ELAVL1: variants seen among roughly 807,000 people sequenced by gnomAD.
The protein encoded by ELAVL1 is ELAV like RNA binding protein 1, also known as ELAV-like protein 1.
ELAVL1 carries 1 observed loss-of-function variant against 28.4 expected under a neutral mutation model. The observed-to-expected ratio is 0.04, with a 90% CI of 0.01 to 0.17. The LOEUF (loss-of-function observed/expected upper bound fraction) is 0.17. ELAVL1 is among the 10% of genes least tolerant of loss of function. The probability of loss-of-function intolerance (pLI) is 1.00; values close to 1 mark genes in which losing one functional copy is unlikely to be tolerated. For synonymous variants in ELAVL1, 174 were observed against 183.5 expected, an observed-to-expected ratio of 0.95 and a Z score of 0.42; for missense variants, 157 against 447.2, an observed-to-expected ratio of 0.35 and a Z score of 5.85.
chr19:8,004,082 G>A (rs562472222), intron 1 of ELAVL1, among the ~76,000 whole-genome samples: 20 of 152,250 alleles, frequency 1.3e-4, no homozygotes, highest in African/African-American at 4.6e-4. Flanking sequence ...CTCTAAAATG[G>A]AAATTAATGG....
intron 2 of ELAVL1, among the ~76,000 whole-genome samples, chr19:7,988,252 T>G (rs1005023971): frequency 2.6e-5 from 4 of 151,922 alleles, no homozygotes; most frequent in Non-Finnish European, 5.9e-5. Context: ...TCAGGTCAGT[T>G]AGGAATATAC....
At chr19:7,987,640 A>G (rs1250130663) in intron 2 of ELAVL1, among the ~76,000 whole-genome samples, 1 of 152,152 alleles carries the variant, frequency 6.6e-6, no homozygotes, top group Non-Finnish European at 1.5e-5. Context: ...GCACTCAACC[A>G]GTATTTGCTG....
intron 2 of ELAVL1, among the ~76,000 whole-genome samples, chr19:7,983,288 G>C (rs1985513926): frequency 6.6e-6 from 1 of 152,186 alleles, no homozygotes; most frequent in African/African-American, 2.4e-5. Context: ...GAGCGAATTG[G>C]GATCGCAGCT....
chr19:7,976,892 T>C (rs573221563), intron 3 of ELAVL1, among the ~76,000 whole-genome samples: 33 of 151,896 alleles, frequency 2.2e-4, no homozygotes, highest in Non-Finnish European at 4.0e-4. Flanking sequence ...CTTGCTATGT[T>C]GCTCAGGTTA....
intron 3 of ELAVL1, among the ~76,000 whole-genome samples, chr19:7,976,650 T>G (rs9917036): frequency 0.028 from 4,230 of 152,076 alleles, 198 homozygotes; most frequent in African/African-American, 0.095. Flanking sequence ...GTCTCGGGCT[T>G]CCAGCCTCCA....
In ELAVL1 at chr19:7,967,651, G is replaced by A; in HGVS notation, c.570C>T (p.Asn190=). Reference sequence around the variant, plus strand: ...GCTGCGAGAGGAGTGCCACGTTTTTGTTCTGGTTGGGGTTGGCTGCAAACT... The same window carrying A: ...GCTGCGAGAGGAGTGCCACGTTTTTATTCTGGTTGGGGTTGGCTGCAAACT... ...TVKFAANPNQ[N]KNVALLSQLY... The change falls in exon 5 of 6, where the codon AAC becomes AAT. Residue 190 remains asparagine (N), a synonymous_variant. Coordinates refer to ENST00000407627, the MANE Select transcript of ELAVL1 (RefSeq NM_001419.3). The A allele has an allele frequency of 6.8e-6, 11 of 1,614,218 alleles. No homozygotes were observed. Among genetic ancestry groups the A allele is most frequent in the Non-Finnish European group, 9.3e-6 (11 of 1,180,044 alleles).
At chr19:7,985,795 C>G (rs1192426478) in intron 2 of ELAVL1, among the ~76,000 whole-genome samples, 1 of 152,170 alleles carries the variant, frequency 6.6e-6, no homozygotes, top group Non-Finnish European at 1.5e-5. Flanking sequence ...CAGGGCTGTC[C>G]CAGAGGCCAG....
chr19:7,963,153 CGT>C lies in ELAVL1; in HGVS notation c.*328_*329del, dbSNP rs1420271305. Reference sequence around the variant, plus strand: ...GTCTGTGGAGACATTGAATGAAACGCGTGTTAGACAGTCTTAGAGGTTAAAGC... The same window carrying C: ...GTCTGTGGAGACATTGAATGAAACGCGTTAGACAGTCTTAGAGGTTAAAGC... On this transcript the variant is annotated 3_prime_UTR_variant, in exon 6 of 6. Transcript: ENST00000407627. This position sits in a 1 kb window ranked among gnomAD's most constrained non-coding sequence, Gnocchi z 4.5. 8.6e-6 allele frequency: 2 copies of C among 232,938 alleles called. No homozygotes were observed. Among genetic ancestry groups the C allele is most frequent in the African/African-American group, 4.6e-5 (2 of 43,914 alleles). The allele number at this position is 232,938 out of a possible 1,614,324, so 14.4% of individuals were successfully genotyped here.
rs537267272 is a variant in ELAVL1 at position 7,970,957 on chromosome 19, T to C, written c.430+2768A>G. ...ACACTCTGTCTCCAGCAGAGGGAGC[T>C]ACAGCCCTGGGATGGGAGCCTCACC... On this transcript the variant is annotated intron_variant, in intron 4 of 5. Transcript: ENST00000407627. Among the ~76,000 whole-genome samples the C allele has an allele frequency of 6.8e-4, 104 of 152,306 alleles. 1 individual carries two copies. In the South Asian group the frequency reaches 0.021, roughly 31 times the overall value.
At chr19:8,004,824 G>A (rs1249294830) in intron 1 of ELAVL1, among the ~76,000 whole-genome samples, 1 of 152,108 alleles carries the variant, frequency 6.6e-6, no homozygotes, top group African/African-American at 2.4e-5. Context: ...CCAGAGCACC[G>A]GAAAAGGAAG....
intron 2 of ELAVL1, among the ~76,000 whole-genome samples, chr19:7,984,897 C>T (rs891342533): frequency 6.6e-6 from 1 of 152,198 alleles, no homozygotes; most frequent in African/African-American, 2.4e-5. Context: ...GGCGACACCC[C>T]CAACCAATGA....
At chr19:7,993,843 T>A (rs1399174288) in intron 1 of ELAVL1, among the ~76,000 whole-genome samples, 2 of 151,996 alleles carry the variant, frequency 1.3e-5, no homozygotes, top group African/African-American at 2.4e-5. Context: ...AGCAGTTACA[T>A]AAAAATCTGA....
chr19:7,999,190 T>C lies in ELAVL1; in HGVS notation c.-17+6305A>G, dbSNP rs537275264. On this transcript the variant is annotated intron_variant, in intron 1 of 5. Coordinates refer to ENST00000407627, the MANE Select transcript of ELAVL1 (RefSeq NM_001419.3). ...GAGTTTGAGACCAGCATGGCCAACATAGTGAAACCCTGTCTATACTGAAAA... is the reference window on the plus strand; with the variant it reads ...GAGTTTGAGACCAGCATGGCCAACACAGTGAAACCCTGTCTATACTGAAAA... Among the ~76,000 whole-genome samples the C allele has an allele frequency of 2.3e-4, 35 of 152,276 alleles. 1 individual carries two copies. The South Asian group carries it at 6.6e-3, about 29-fold the overall frequency.
chr19:8,003,119 G>A (rs911487975), intron 1 of ELAVL1, among the ~76,000 whole-genome samples: 1 of 151,966 alleles, frequency 6.6e-6, no homozygotes, highest in Non-Finnish European at 1.5e-5. Flanking sequence ...TGGGCGCGGT[G>A]GCTCACACCT....
chr19:7,982,491 G>A lies in ELAVL1; in HGVS notation c.173-1305C>T, dbSNP rs760760897. Among the ~76,000 whole-genome samples the A allele has an allele frequency of 1.3e-5, 2 of 152,214 alleles. No homozygotes were observed. The highest frequency in any genetic ancestry group is 1.9e-4 in the East Asian group (1 of 5,200). ...ACAGCAAGATTACAAATCCAGCAGAGAGCCTAACCCAGGTTTGCCACTTTC... is the reference window on the plus strand; with the variant it reads ...ACAGCAAGATTACAAATCCAGCAGAAAGCCTAACCCAGGTTTGCCACTTTC... On this transcript the variant is annotated intron_variant, in intron 2 of 5. Transcript: ENST00000407627. The surrounding 1 kb of genome is among the most constrained non-coding windows in gnomAD (Gnocchi z 4.3).
At chr19:7,983,800 C>T (rs2145215566) in intron 2 of ELAVL1, among the ~76,000 whole-genome samples, 1 of 152,266 alleles carries the variant, frequency 6.6e-6, no homozygotes, top group Non-Finnish European at 1.5e-5. Flanking sequence ...TGGACCAAGT[C>T]CCTGCTTCCT....
Position 7,981,318 on chromosome 19 carries a change from G to T in ELAVL1, c.173-132C>A. The T allele has an allele frequency of 2.7e-6, 2 of 739,776 alleles. No homozygotes were observed. The highest frequency in any genetic ancestry group is 2.3e-6 in the Non-Finnish European group (1 of 436,816). The allele number at this position is 739,776 out of a possible 1,614,324, so 45.8% of individuals were successfully genotyped here. A position where few individuals can be genotyped will look rare whatever the true frequency, so the allele number is the denominator to read the frequency against. On this transcript the variant is annotated intron_variant, in intron 2 of 5. Coordinates refer to ENST00000407627, the MANE Select transcript of ELAVL1 (RefSeq NM_001419.3). This position sits in a 1 kb window ranked among gnomAD's most constrained non-coding sequence, Gnocchi z 4.2. ...GGTGCTAGCAAACTTTATTTTCTTT[G>T]GCAAACACGTACATTTTCTGCAATG...
At chr19:7,998,598 C>G (rs1936610972) in intron 1 of ELAVL1, among the ~76,000 whole-genome samples, 1 of 152,206 alleles carries the variant, frequency 6.6e-6, no homozygotes, top group Non-Finnish European at 1.5e-5. Flanking sequence ...GCTGTTCCCT[C>G]TGCAGGGCAC....
intron 4 of ELAVL1, 62 bp downstream of exon 4, chr19:7,973,663 C>A (rs759308843): frequency 6.4e-7 from 1 of 1,561,682 alleles, no homozygotes. Context: ...TCTGCCTTCC[C>A]TAGAAAACCC....
Sources: gnomAD v4.1 joint callset for allele counts (sites outside exome capture counted in the v4.1 genomes callset) on GRCh38, gnomAD v4.1.1 for gene constraint, Gnocchi (gnomAD v3.1) non-coding constraint, MANE v1.5 for transcripts, NCBI Gene and HGNC (gene_info 2026-07-23, HGNC 2026-07-21) for gene names.